The following PTPRD variants were observed in gnomAD, a reference collection of about 807,000 sequenced individuals.
PTPRD encodes receptor-type tyrosine-protein phosphatase delta.
A neutral mutation model predicts 214.5 loss-of-function variants in PTPRD; 34 were observed. The ratio of observed to expected loss-of-function variants is 0.16; its 90% CI spans 0.12 to 0.21. PTPRD has a LOEUF of 0.21. PTPRD is among the 10% of genes least tolerant of loss of function. PTPRD has a pLI of 1.00. For synonymous variants in PTPRD, 1,128 were observed against 845.7 expected, an observed-to-expected ratio of 1.33 and a Z score of -5.79; for missense variants, 2,545 against 2,398.7, an observed-to-expected ratio of 1.06 and a Z score of -1.27.
chr9:9,634,863 T>C (rs1216621133), intron 7 of PTPRD, among the ~76,000 whole-genome samples: 1 of 152,194 alleles, frequency 6.6e-6, no homozygotes, highest in Non-Finnish European at 1.5e-5. Context: ...TACTTTTATG[T>C]TGAGTACTTG....
In PTPRD at chr9:9,923,134, G is replaced by GTA. The variant is rs1310094684; in HGVS notation, c.-368+15372_-368+15373insTA. On this transcript the variant is annotated intron_variant, in intron 5 of 45. Coordinates refer to ENST00000381196, the MANE Select transcript of PTPRD (RefSeq NM_002839.4). The stretch of plus-strand genomic sequence containing the variant: ...CTGTGTGTGTGGGGGGTGTGTGTGT[G>GTA]TGTGTGTGTGTGTGTATGTACAGAA... Among the ~76,000 whole-genome samples the GTA allele has an allele frequency of 6.7e-4, 102 of 151,158 alleles. 1 individual carries two copies. In the East Asian group the frequency reaches 0.018, roughly 27 times the overall value.
At chr9:8,449,687 A>G in intron 34 of PTPRD, 38 bp downstream of exon 34, 1 of 1,582,350 alleles carries the variant, frequency 6.3e-7, no homozygotes, top group Non-Finnish European at 8.7e-7. Flanking sequence ...AACTTCTGGG[A>G]AAGACTGTGT....
intron 9 of PTPRD, among the ~76,000 whole-genome samples, chr9:9,218,990 T>C (rs756256291): frequency 1.3e-5 from 2 of 152,090 alleles, no homozygotes; most frequent in Non-Finnish European, 2.9e-5. Flanking sequence ...TAAGCATCAA[T>C]GAATATACTA....
At chr9:8,438,512 G>A (rs1270950491) in intron 34 of PTPRD, among the ~76,000 whole-genome samples, 1 of 152,138 alleles carries the variant, frequency 6.6e-6, no homozygotes, top group Non-Finnish European at 1.5e-5. Context: ...TACATTCTAT[G>A]GAGGAAGTGT....
intron 9 of PTPRD, among the ~76,000 whole-genome samples, chr9:9,188,248 C>G (rs2131698850): frequency 6.6e-6 from 1 of 152,112 alleles, no homozygotes; most frequent in South Asian, 2.1e-4. Context: ...TCTGAATATA[C>G]AGTGCCATAT....
In PTPRD at chr9:9,747,573, T is replaced by A. The variant is rs565028324; in HGVS notation, c.-325-13002A>T. On this transcript the variant is annotated intron_variant, in intron 6 of 45. Transcript: ENST00000381196. ...TTTTTTTTTTCTCCCTGAGATGGAG[T>A]TTCACTCTTTTCGCCCAGGCTGGAG... is the stretch of plus-strand genomic sequence containing the variant. Among the ~76,000 whole-genome samples, 140 of 146,980 alleles carry A rather than the reference T, an allele frequency of 9.5e-4. 1 individual carries two copies. Among genetic ancestry groups the A allele is most frequent in the African/African-American group, 3.3e-3 (131 of 39,408 alleles).
At chr9:9,498,932 AT>A (rs2096296553) in intron 8 of PTPRD, among the ~76,000 whole-genome samples, 2 of 150,242 alleles carry the variant, frequency 1.3e-5, no homozygotes, top group African/African-American at 4.9e-5. Context: ...GTTTAGGCTT[AT>A]TTTTTCTCTC....
chr9:8,797,907 T>C (rs1388190144), intron 11 of PTPRD, among the ~76,000 whole-genome samples: 2 of 151,782 alleles, frequency 1.3e-5, no homozygotes, highest in Non-Finnish European at 2.9e-5. Context: ...TCTTGATATG[T>C]CACCGAAGCT....
chr9:9,242,523 T>A (rs1316083876), intron 9 of PTPRD, among the ~76,000 whole-genome samples: 1 of 152,138 alleles, frequency 6.6e-6, no homozygotes, highest in African/African-American at 2.4e-5. Flanking sequence ...GTCCCATATT[T>A]CTTGGAGGCT....
At chr9:9,808,259 T>G (rs1473548691) in intron 5 of PTPRD, among the ~76,000 whole-genome samples, 1 of 152,160 alleles carries the variant, frequency 6.6e-6, no homozygotes, top group Non-Finnish European at 1.5e-5. Context: ...TCGAATTAAA[T>G]TAAATTGGAA....
intron 12 of PTPRD, among the ~76,000 whole-genome samples, chr9:8,727,619 C>T (rs927370013): frequency 1.3e-5 from 2 of 152,096 alleles, no homozygotes; most frequent in Admixed American, 1.3e-4. Context: ...GCAGAAATTG[C>T]TTTTTGTTTT....
At chr9:9,033,271 A>T (rs900059703) in intron 10 of PTPRD, among the ~76,000 whole-genome samples, 1 of 152,154 alleles carries the variant, frequency 6.6e-6, no homozygotes. Flanking sequence ...TTATTGCTGG[A>T]GAAGGCTTTG....
intron 11 of PTPRD, among the ~76,000 whole-genome samples, chr9:8,815,935 G>T (rs757490858): frequency 2.0e-5 from 3 of 152,162 alleles, no homozygotes; most frequent in African/African-American, 7.2e-5. Context: ...ACACCCTATG[G>T]TGGTACTTGA....
At chr9:10,237,864 G>C (rs936836085) in intron 3 of PTPRD, among the ~76,000 whole-genome samples, 2 of 151,872 alleles carry the variant, frequency 1.3e-5, no homozygotes. Flanking sequence ...CTATTACAAA[G>C]ACTTCCAAAT....
intron 8 of PTPRD, 37 bp from the exon 9 acceptor site, chr9:9,397,519 T>TA (rs2068359252): frequency 1.3e-5 from 2 of 152,532 alleles, no homozygotes; most frequent in Admixed American, 1.3e-4. Flanking sequence ...ATTGTGATCA[T>TA]AAAAACTACC....
At chr9:9,026,457 A>C (rs3887368) in intron 10 of PTPRD, among the ~76,000 whole-genome samples, 1 of 151,838 alleles carries the variant, frequency 6.6e-6, no homozygotes, top group East Asian at 1.9e-4. Context: ...GATCAAGCCT[A>C]TTATCTGTTA....
At chr9:10,339,476 G>C (rs10809069) in intron 3 of PTPRD, among the ~76,000 whole-genome samples, 150 of 151,706 alleles carry the variant, frequency 9.9e-4, no homozygotes, top group Non-Finnish European at 1.8e-3. Context: ...CACTCTGAAA[G>C]ACTTCTTATC....
rs75963057 is a variant in PTPRD, at chr9:9,044,733, C to T, written c.-142-25998G>A. On this transcript the variant is annotated intron_variant, in intron 10 of 45. Transcript: ENST00000381196. Reference sequence around the variant, plus strand: ...GCTTAAGGAGAATATGCAGTAATTACCCTTTAAACATTTTCTCCCAACTTC... The same window carrying T: ...GCTTAAGGAGAATATGCAGTAATTATCCTTTAAACATTTTCTCCCAACTTC... 3.4e-3 allele frequency among the ~76,000 whole-genome samples: 522 copies of T among 152,150 alleles called. 3 individuals are homozygous for T. The highest frequency in any genetic ancestry group is 0.012 in the African/African-American group (487 of 41,520).
intron 5 of PTPRD, among the ~76,000 whole-genome samples, chr9:9,774,270 A>G (rs1277272255): frequency 6.6e-6 from 1 of 152,210 alleles, no homozygotes; most frequent in Admixed American, 6.5e-5. Context: ...TTTATCTAAA[A>G]TTCAAATTTC....
Sources: allele counts gnomAD v4.1 joint callset (sites outside exome capture counted in the v4.1 genomes callset), GRCh38; gene constraint gnomAD v4.1.1; transcripts MANE v1.5; gene names NCBI Gene and HGNC (gene_info 2026-07-23, HGNC 2026-07-21).